MED13: variants seen among roughly 807,000 people sequenced by gnomAD.
MED13 encodes mediator complex subunit 13, also known as mediator of RNA polymerase II transcription subunit 13.
A neutral mutation model predicts 225.2 loss-of-function variants in MED13; 23 were observed. That is an observed-to-expected ratio of 0.10 (90% confidence interval 0.07 to 0.14). The LOEUF is 0.14. MED13 is among the 10% of genes least tolerant of loss of function. The pLI, the probability that MED13 is intolerant of heterozygous loss-of-function variation, is 1.00. For synonymous variants in MED13, 942 were observed against 889.2 expected (o/e 1.06, Z -1.06); for missense variants, 2,197 against 2,594.5 (o/e 0.85, Z 3.33).
At position 61,962,873 on chromosome 17, in the gene MED13, G is replaced by A. The variant is rs902291870; in HGVS notation, c.4943C>T (p.Thr1648Ile). Residue 1648 changes from threonine (T) to isoleucine (I), a missense_variant, in exon 21 of 30, where the codon ACA (threonine) becomes ATA (isoleucine). Coordinates refer to ENST00000397786, the MANE Select transcript of MED13 (RefSeq NM_005121.3). ...AGTGCTCTCGTCTGTATTTTCGTAT[G>A]TAAAAGGATCAATTATATAAACAAC... is the stretch of plus-strand genomic sequence containing the variant. The part of the protein sequence containing the change: ...AIVVYIIDPF[T>I]YENTDESTNS... 7 of 1,614,006 alleles carry A rather than the reference G, an allele frequency of 4.3e-6. No homozygotes were observed. Among genetic ancestry groups the A allele is most frequent in the African/African-American group, 2.7e-5 (2 of 74,918 alleles).
intron 16 of MED13, among the ~76,000 whole-genome samples, chr17:61,980,423 C>T (rs2080194218): frequency 6.6e-6 from 1 of 152,136 alleles, no homozygotes; most frequent in Non-Finnish European, 1.5e-5. Context: ...TATCTCCAGA[C>T]CCAATCATTC....
At chr17:62,054,998 A>T (rs929644280) in intron 2 of MED13, among the ~76,000 whole-genome samples, 7 of 152,244 alleles carry the variant, frequency 4.6e-5, no homozygotes, top group African/African-American at 1.7e-4. Flanking sequence ...TAAATTAGTC[A>T]TTTAAAACTA....
At chr17:61,996,342 TC>T (rs1329448287) in intron 9 of MED13, among the ~76,000 whole-genome samples, 2 of 152,226 alleles carry the variant, frequency 1.3e-5, no homozygotes, top group African/African-American at 4.8e-5. Flanking sequence ...GCTAAGGTTC[TC>T]AGGTTGTCCT....
chr17:62,038,850 G>A (rs997036003), intron 3 of MED13, among the ~76,000 whole-genome samples: 2 of 151,786 alleles, frequency 1.3e-5, no homozygotes, highest in Non-Finnish European at 1.5e-5. Flanking sequence ...TCCCCCTAGG[G>A]ATGGCAGGGG....
At chr17:62,061,985 T>C (rs1213695410) in intron 2 of MED13, among the ~76,000 whole-genome samples, 1 of 152,214 alleles carries the variant, frequency 6.6e-6, no homozygotes, top group Non-Finnish European at 1.5e-5. Context: ...CATACAAATG[T>C]AACACGTACA....
At chr17:61,975,156 A>G (rs1272070425) in intron 16 of MED13, among the ~76,000 whole-genome samples, 1 of 151,936 alleles carries the variant, frequency 6.6e-6, no homozygotes. Flanking sequence ...AAAAAAAATG[A>G]AAAGACAATC....
chr17:61,983,387 T>G (rs1320837811), intron 15 of MED13, among the ~76,000 whole-genome samples: 1 of 152,182 alleles, frequency 6.6e-6, no homozygotes, highest in Non-Finnish European at 1.5e-5. Flanking sequence ...CCATATTTAC[T>G]ATCTATAAAT....
At chr17:62,057,267 CATT>C (rs2081002940) in intron 2 of MED13, among the ~76,000 whole-genome samples, 1 of 152,040 alleles carries the variant, frequency 6.6e-6, no homozygotes, top group South Asian at 2.1e-4. Context: ...CCTGAATAAT[CATT>C]AATAACCTAT....
In MED13 at chr17:61,950,803, A is replaced by G. The variant is rs1264432963; in HGVS notation, c.6291+22T>C. ...GGCTGTCAATCAGAATTATTTAGGA[A>G]CTGGGACAGAAATGGCAATACCTTA... is the stretch of plus-strand genomic sequence containing the variant. On this transcript the variant is annotated intron_variant, in intron 28 of 29. Coordinates refer to ENST00000397786, the MANE Select transcript of MED13 (RefSeq NM_005121.3). 1.9e-6 allele frequency: 3 copies of G among 1,595,984 alleles called. No individual in the cohort carries two copies. In the Admixed American group the frequency reaches 5.2e-5, roughly 28 times the overall value.
chr17:61,965,307 T>C lies in MED13; in HGVS notation c.4543A>G (p.Thr1515Ala), dbSNP rs759686420. 6.2e-7 allele frequency: 1 copy of C among 1,614,228 alleles called. No individual in the cohort carries two copies. Among genetic ancestry groups the C allele is most frequent in the Non-Finnish European group, 8.5e-7 (1 of 1,180,032 alleles). The change falls in exon 20 of 30, where the codon ACA (threonine) becomes GCA (alanine). Residue 1515 changes from threonine (T) to alanine (A), a missense_variant. Thr to Ala is a moderately conservative substitution (Grantham distance 58, BLOSUM62 0). Coordinates refer to ENST00000397786, the MANE Select transcript of MED13 (RefSeq NM_005121.3). ...GATATGGCAACACCTGAAGTCACTGTCATAGTGCTGCTCGCTGCAGATGCT... is the reference window on the plus strand; with the variant it reads ...GATATGGCAACACCTGAAGTCACTGCCATAGTGCTGCTCGCTGCAGATGCT... ...TLASAASSTMTVTSGVAISTS... is the reference protein window; with the variant it reads ...TLASAASSTMAVTSGVAISTS...
chr17:61,956,978 A>G (rs2079950950), intron 23 of MED13, among the ~76,000 whole-genome samples: 1 of 152,206 alleles, frequency 6.6e-6, no homozygotes, highest in African/African-American at 2.4e-5. Flanking sequence ...ATTTCACATT[A>G]TAATATATAA....
intron 3 of MED13, among the ~76,000 whole-genome samples, chr17:62,050,447 G>C (rs2080946591): frequency 6.6e-6 from 1 of 151,232 alleles, no homozygotes; most frequent in African/African-American, 2.4e-5. Context: ...AAGTAAGATA[G>C]CTAACCTCTC....
chr17:62,049,921 C>T (rs368153366), intron 3 of MED13, among the ~76,000 whole-genome samples: 57 of 79,654 alleles, frequency 7.2e-4, no homozygotes, highest in African/African-American at 6.5e-3. Flanking sequence ...CAGAGTGAGG[C>T]TCTGTCTCCA....
At chr17:61,973,848 T>C (rs1259917946) in intron 16 of MED13, among the ~76,000 whole-genome samples, 1 of 151,976 alleles carries the variant, frequency 6.6e-6, no homozygotes, top group Non-Finnish European at 1.5e-5. Flanking sequence ...CCAGGCATGG[T>C]GGCACATGCC....
chr17:62,024,954 C>G (rs989552559), intron 8 of MED13, among the ~76,000 whole-genome samples: 1 of 152,088 alleles, frequency 6.6e-6, no homozygotes, highest in South Asian at 2.1e-4. Flanking sequence ...TAGGTTGATT[C>G]CATGTCTTTG....
At chr17:61,948,541 A>C (rs1011711888) in intron 28 of MED13, among the ~76,000 whole-genome samples, 1 of 152,004 alleles carries the variant, frequency 6.6e-6, no homozygotes, top group African/African-American at 2.4e-5. Flanking sequence ...GTGTGCATAC[A>C]TGTATTATGA....
At chr17:62,019,418 T>G (rs989149595) in intron 8 of MED13, among the ~76,000 whole-genome samples, 4 of 152,252 alleles carry the variant, frequency 2.6e-5, no homozygotes, top group African/African-American at 9.6e-5. Flanking sequence ...TTTGCAGTCT[T>G]CGGTAATTTT....
intron 11 of MED13, among the ~76,000 whole-genome samples, chr17:61,989,255 C>T (rs1189756159): frequency 2.0e-5 from 3 of 152,136 alleles, no homozygotes; most frequent in Non-Finnish European, 2.9e-5. Context: ...CATGATCCAC[C>T]TGCCTTGGCC....
At chr17:61,978,407 A>G (rs1196319983) in intron 16 of MED13, among the ~76,000 whole-genome samples, 1 of 152,070 alleles carries the variant, frequency 6.6e-6, no homozygotes, top group South Asian at 2.1e-4. Context: ...ATGCGCCACC[A>G]TGCCCAGCTA....
Sources: gnomAD v4.1 joint callset for allele counts (sites outside exome capture counted in the v4.1 genomes callset) on GRCh38, gnomAD v4.1.1 for gene constraint, MANE v1.5 for transcripts, NCBI Gene and HGNC (gene_info 2026-07-23, HGNC 2026-07-21) for gene names.